The following TNKS variants were observed in gnomAD, a reference collection of about 807,000 sequenced individuals.
TNKS encodes tankyrase.
Under a neutral mutation model 135.8 loss-of-function variants are expected in TNKS, and 72 were observed. The ratio of observed to expected loss-of-function variants is 0.53; its 90% CI spans 0.44 to 0.64. The LOEUF is 0.64. TNKS is among the 30% of genes least tolerant of loss of function. The pLI, the probability that TNKS is intolerant of heterozygous loss-of-function variation, is 0.00. For synonymous variants in TNKS, 849 were observed against 649.3 expected (o/e 1.31, Z -4.68); for missense variants, 1,769 against 1,674.0 (o/e 1.06, Z -0.99).
chr8:9,723,621 C>T (rs886588006), intron 12 of TNKS, among the ~76,000 whole-genome samples: 12 of 152,212 alleles, frequency 7.9e-5, no homozygotes, highest in African/African-American at 2.9e-4. Flanking sequence ...ATTTCTTTCT[C>T]TAGACTTGCT....
chr8:9,645,271 C>G (rs1206631717), intron 3 of TNKS, among the ~76,000 whole-genome samples: 1 of 152,070 alleles, frequency 6.6e-6, no homozygotes, highest in African/African-American at 2.4e-5. Context: ...AAGACATGGT[C>G]TCTCCAGGAT....
chr8:9,600,551 G>A (rs1223712992), intron 2 of TNKS, among the ~76,000 whole-genome samples: 2 of 152,046 alleles, frequency 1.3e-5, no homozygotes, highest in Non-Finnish European at 2.9e-5. Flanking sequence ...GGGCTCAAGC[G>A]ATCTGTTGGT....
intron 2 of TNKS, among the ~76,000 whole-genome samples, chr8:9,595,840 C>T (rs957939126): frequency 6.6e-6 from 1 of 151,974 alleles, no homozygotes; most frequent in African/African-American, 2.4e-5. Flanking sequence ...AGGTTAGGTG[C>T]AGTGACTCAT....
At chr8:9,564,030 A>G (rs918145152) in intron 1 of TNKS, among the ~76,000 whole-genome samples, 1 of 152,206 alleles carries the variant, frequency 6.6e-6, no homozygotes, top group East Asian at 1.9e-4. Context: ...GGTCTGCAGG[A>G]TCATCTTTTA....
chr8:9,680,867 T>G, intron 5 of TNKS, 67 bp downstream of exon 5: 1 of 1,203,872 alleles, frequency 8.3e-7, no homozygotes. Flanking sequence ...GTGGCATATA[T>G]ATATATAAGC....
intron 11 of TNKS, among the ~76,000 whole-genome samples, chr8:9,714,174 T>C (rs1804476864): frequency 2.0e-5 from 3 of 152,220 alleles, no homozygotes; most frequent in African/African-American, 7.2e-5. Context: ...ACTTGAGGTT[T>C]GCTGTTAATG....
chr8:9,557,250 C>G (rs1394745616), intron 1 of TNKS: 2 of 152,264 alleles, frequency 1.3e-5, no homozygotes, highest in East Asian at 1.9e-4. Flanking sequence ...TGTTGTCTAG[C>G]AGACCATTTA....
chr8:9,668,835 C>T (rs13250838), intron 3 of TNKS, among the ~76,000 whole-genome samples: 22,380 of 152,078 alleles, frequency 0.15, 1,832 homozygotes, highest in Admixed American at 0.23. Flanking sequence ...GAATAGGGAA[C>T]AGTGAATAAT....
chr8:9,680,145 A>C (rs899141073), intron 4 of TNKS, among the ~76,000 whole-genome samples, 158 bp downstream of exon 4: 1 of 152,216 alleles, frequency 6.6e-6, no homozygotes, highest in African/African-American at 2.4e-5. Context: ...TCATTATTGT[A>C]TATAATAAAA....
chr8:9,569,185 T>G (rs1296455167), intron 1 of TNKS, among the ~76,000 whole-genome samples: 1 of 152,196 alleles, frequency 6.6e-6, no homozygotes, highest in Non-Finnish European at 1.5e-5. Context: ...AAATACCGTT[T>G]GGTTTCCTAA....
intron 5 of TNKS, among the ~76,000 whole-genome samples, chr8:9,682,880 G>C (rs940737818): frequency 6.6e-6 from 1 of 151,710 alleles, no homozygotes; most frequent in African/African-American, 2.4e-5. Flanking sequence ...ATAATGTATA[G>C]AACATTTTTA....
intron 5 of TNKS, among the ~76,000 whole-genome samples, chr8:9,697,602 C>G (rs1177937551): frequency 6.6e-6 from 1 of 151,992 alleles, no homozygotes; most frequent in African/African-American, 2.4e-5. Flanking sequence ...AAGCAAAAAC[C>G]AGTCCCATCA....
chr8:9,634,490 T>C (rs1800429864), intron 3 of TNKS, among the ~76,000 whole-genome samples: 1 of 152,222 alleles, frequency 6.6e-6, no homozygotes, highest in Admixed American at 6.5e-5. Context: ...TTGTTGTTCT[T>C]TGTTTTTTGC....
intron 1 of TNKS, among the ~76,000 whole-genome samples, chr8:9,562,062 C>T (rs1403987588): frequency 6.6e-6 from 1 of 152,128 alleles, no homozygotes; most frequent in African/African-American, 2.4e-5. Flanking sequence ...GGTGTTCCAT[C>T]CACCTCAGTC....
At chr8:9,604,774 A>ATTTTAT (rs956626487) in intron 2 of TNKS, among the ~76,000 whole-genome samples, 3 of 151,416 alleles carry the variant, frequency 2.0e-5, no homozygotes, top group African/African-American at 4.8e-5. Flanking sequence ...GTATATATAT[A>ATTTTAT]TTTTATTTTT....
In TNKS at chr8:9,776,858, CT is replaced by C. The variant is rs942516034; in HGVS notation, c.*124del. ...GACAGCCTAGAAATAAGCTGTTTGT[CT>C]TCTATAAAGCATTGCTATAGTGATG... On this transcript the variant is annotated 3_prime_UTR_variant, in exon 27 of 27. Transcript: ENST00000310430. 3 of 903,938 alleles carry C rather than the reference CT, an allele frequency of 3.3e-6. No homozygotes were observed. In the African/African-American group the frequency reaches 5.0e-5, roughly 15 times the overall value. The allele number at this position is 903,938 out of a possible 1,614,324, so 56.0% of individuals were successfully genotyped here.
intron 20 of TNKS, among the ~76,000 whole-genome samples, chr8:9,758,765 C>G (rs755308003): frequency 1.3e-5 from 2 of 152,168 alleles, no homozygotes; most frequent in Non-Finnish European, 2.9e-5. Flanking sequence ...CCACAGTGAC[C>G]TTATGGAGTA....
At chr8:9,655,706 C>G (rs1398675659) in intron 3 of TNKS, among the ~76,000 whole-genome samples, 1 of 152,120 alleles carries the variant, frequency 6.6e-6, no homozygotes, top group African/African-American at 2.4e-5. Context: ...GGAAAACTAA[C>G]AAACAGAAAG....
rs981350972 is a variant in TNKS at position 9,763,172 on chromosome 8, C to G, written c.3300C>G (p.His1100Gln). ...GCACCAATCCTTATTTGACTTTTCA[C>G]TGTGTTAATCAGGGAACGATTTTGC... ...QQGTNPYLTF[H>Q]CVNQGTILLD... is the part of the protein sequence containing the mutation. Residue 1100 changes from histidine to glutamine, a missense_variant, in exon 22 of 27, where the codon CAC (histidine) becomes CAG (glutamine). By Grantham distance (24) the His-to-Gln change is conservative (BLOSUM62 0). This residue lies in a region of TNKS where 722 missense variants were observed against 688.9 expected (regional missense o/e 1.05). Coordinates refer to ENST00000310430, the MANE Select transcript of TNKS (RefSeq NM_003747.3). The G allele has an allele frequency of 6.3e-7, 1 of 1,592,376 alleles. No individual in the cohort carries two copies. The highest frequency in any genetic ancestry group is 1.4e-5 in the African/African-American group (1 of 73,712).
Sources: gnomAD v4.1 joint callset for allele counts (sites outside exome capture counted in the v4.1 genomes callset) on GRCh38, gnomAD v4.1.1 for gene constraint, gnomAD v4.1.1 regional missense constraint, MANE v1.5 for transcripts, NCBI Gene and HGNC (gene_info 2026-07-23, HGNC 2026-07-21) for gene names.